Variants in BTNL9 observed in about 807,000 individuals in gnomAD.
BTNL9 encodes butyrophilin like 9.
Under a neutral mutation model 45.8 loss-of-function variants are expected in BTNL9, and 45 were observed. The observed-to-expected ratio is 0.98, with a 90% CI of 0.77 to 1.26. BTNL9 has a LOEUF of 1.26. Ranked by LOEUF, BTNL9 falls within the 50% of genes most tolerant of loss-of-function variation. The pLI is 0.00. For missense variants in BTNL9, 784 were observed against 729.7 expected, an observed-to-expected ratio of 1.07 and a Z score of -0.86; for synonymous variants, 346 against 330.8, an observed-to-expected ratio of 1.05 and a Z score of -0.50.
chr5:181,048,207 A>G lies in BTNL9; in HGVS notation c.390A>G (p.Thr130=). ...LHSIIPSDKG[T]YGCRFHSDNF... ...GCATCATCCCCTCTGACAAGGGCACATATGGCTGCCGCTTCCACTCCGACA... is the reference window on the plus strand; with the variant it reads ...GCATCATCCCCTCTGACAAGGGCACGTATGGCTGCCGCTTCCACTCCGACA... Residue 130 remains threonine, a synonymous_variant, in exon 3 of 11, where the codon ACA becomes ACG. Transcript: ENST00000327705. 6.2e-7 allele frequency: 1 copy of G among 1,613,096 alleles called. No individual in the cohort carries two copies. The highest frequency in any genetic ancestry group is 1.3e-5 in the African/African-American group (1 of 75,060).
chr5:181,044,692 C>T (rs1216745787), intron 1 of BTNL9, among the ~76,000 whole-genome samples: 2 of 152,262 alleles, frequency 1.3e-5, no homozygotes, highest in South Asian at 2.1e-4. Flanking sequence ...ACTCTCTGGC[C>T]GTGAGTCATT....
intron 2 of BTNL9, among the ~76,000 whole-genome samples, chr5:181,046,839 C>T (rs769197878): frequency 2.0e-5 from 3 of 152,092 alleles, no homozygotes; most frequent in South Asian, 2.1e-4. Context: ...ACAGGATGCA[C>T]GTTCCCCAGG....
At position 181,055,889 on chromosome 5, in the gene BTNL9, G is replaced by A. The variant is rs760724721; in HGVS notation, c.929-100G>A. The A allele has an allele frequency of 2.1e-6, 3 of 1,398,672 alleles. No homozygotes were observed. Among genetic ancestry groups the A allele is most frequent in the Admixed American group, 3.3e-5 (2 of 59,714 alleles). 86.6% of individuals were successfully genotyped at this position (1,398,672 alleles called of 1,614,324 possible). ...AGGACCCCTGCTGGCTATGTGGGTG[G>A]TGGGGGGTGCGGGACAGGGTGGGTG... On this transcript the variant is annotated intron_variant, in intron 8 of 10. Coordinates refer to ENST00000327705, the MANE Select transcript of BTNL9 (RefSeq NM_152547.5). The surrounding 1 kb of genome is among the most constrained non-coding windows in gnomAD (Gnocchi z 4.4).
At chr5:181,047,583 T>C in intron 2 of BTNL9, 1 of 860,572 alleles carries the variant, frequency 1.2e-6, no homozygotes, top group Non-Finnish European at 1.4e-6. Context: ...TACAGATTAT[T>C]TTGACACTTG....
Position 181,050,161 on chromosome 5 carries a change from T to C in BTNL9, c.528T>C (p.Ser176=), listed in dbSNP as rs1761455665. The change falls in exon 4 of 11, where the codon AGT becomes AGC. Residue 176 remains serine (S), a synonymous_variant. Transcript: ENST00000327705. This position sits in a 1 kb window ranked among gnomAD's most constrained non-coding sequence, Gnocchi z 4.9. ...GCATTCAGCTGAGGCTCAGATCCAG[T>C]GGCTGGTACCCCAAGCCTAAGGTTC... ...EGGIQLRLRS[S]GWYPKPKVQW... The C allele has an allele frequency of 1.2e-6, 2 of 1,614,074 alleles. No homozygotes were observed. The highest frequency in any genetic ancestry group is 1.7e-6 in the Non-Finnish European group (2 of 1,180,018).
chr5:181,059,351 G>A lies in BTNL9; in HGVS notation c.1097G>A (p.Arg366Gln). 5.8e-6 allele frequency: 9 copies of A among 1,542,804 alleles called. No individual in the cohort carries two copies. Among genetic ancestry groups the A allele is most frequent in the Non-Finnish European group, 7.8e-6 (9 of 1,146,776 alleles). The change falls in exon 11 of 11, where the codon CGG becomes CAG. Residue 366 changes from arginine to glutamine, a missense_variant. Arg to Gln is a conservative substitution (Grantham distance 43). Transcript: ENST00000327705. ...PPGPAPGHPQRFSEQTCALSL... is the reference protein window; with the variant it reads ...PPGPAPGHPQQFSEQTCALSL... The stretch of plus-strand genomic sequence containing the variant: ...GGCCCGGCGCCTGGCCACCCGCAGC[G>A]GTTCTCGGAGCAGACGTGCGCGCTG...
chr5:181,048,766 T>G (rs866885809), intron 3 of BTNL9, among the ~76,000 whole-genome samples: 23 of 40,830 alleles, frequency 5.6e-4, no homozygotes, highest in East Asian at 1.0e-3. Context: ...TATAGATATA[T>G]ATAGTATGCT....
rs1302653269 is a variant in BTNL9, at chr5:181,061,359, A to G, written c.*1497A>G. On this transcript the variant is annotated 3_prime_UTR_variant, in exon 11 of 11. Coordinates refer to ENST00000327705, the MANE Select transcript of BTNL9 (RefSeq NM_152547.5). The stretch of plus-strand genomic sequence containing the variant: ...TGGGTTTGAAATTTTGCAAACTAAG[A>G]GTTGGGTGGCGGGGAGAAGGATACA... 6.6e-6 allele frequency: 1 copy of G among 152,188 alleles called. No homozygotes were observed. Among genetic ancestry groups the G allele is most frequent in the Admixed American group, 6.5e-5 (1 of 15,272 alleles). The allele number at this position is 152,188 out of a possible 1,614,324, so 9.4% of individuals were successfully genotyped here. A position where few individuals can be genotyped will look rare whatever the true frequency, so the allele number is the denominator to read the frequency against.
intron 10 of BTNL9, 75 bp from the exon 11 acceptor site, chr5:181,059,162 T>G (rs1762028279): frequency 7.2e-7 from 1 of 1,398,532 alleles, no homozygotes; most frequent in East Asian, 2.9e-5. Context: ...AAACGAGAGG[T>G]TTGTCCGCCT....
rs1021900260 is a variant in BTNL9 at position 181,060,110 on chromosome 5, G to T, written c.*248G>T. 14 of 497,266 alleles carry T rather than the reference G, an allele frequency of 2.8e-5. No homozygotes were observed. The highest frequency in any genetic ancestry group is 4.2e-5 in the Non-Finnish European group (12 of 283,920). 30.8% of individuals were successfully genotyped at this position (497,266 alleles called of 1,614,324 possible). On this transcript the variant is annotated 3_prime_UTR_variant, in exon 11 of 11. Transcript: ENST00000327705. ...GAAGGAGTACAAATATATCCACGTC[G>T]CTCAGAGCTGGGGTGCTCACGGTGG...
chr5:181,045,589 C>T lies in BTNL9; in HGVS notation c.100C>T (p.Pro34Ser). The part of the protein sequence containing the change: ...MHLLLLQPGE[P>S]SSEVKVLGPE... ...CCTCCTCCTCCTTCAGCCTGGGGAG[C>T]CGAGCTCAGGTATTGTGTCTGCAGC... The change falls in exon 2 of 11, where the codon CCG (proline) becomes TCG (serine). Residue 34 changes from proline (P) to serine (S), a missense_variant. By Grantham distance (74) the Pro-to-Ser change is moderately conservative. Transcript: ENST00000327705. 2 of 1,611,080 alleles carry T rather than the reference C, an allele frequency of 1.2e-6. No homozygotes were observed. The highest frequency in any genetic ancestry group is 2.2e-5 in the East Asian group (1 of 44,864).
Position 181,043,135 on chromosome 5 carries a change from TGATA to T in BTNL9, c.-23-2326_-23-2323del, listed in dbSNP as rs560173271. Among the ~76,000 whole-genome samples the T allele has an allele frequency of 2.8e-3, 433 of 152,204 alleles. 1 individual carries two copies. The highest frequency in any genetic ancestry group is 9.2e-3 in the African/African-American group (381 of 41,514). ...TAATACTGAGGTATAGATAAGTGTT[TGATA>T]GATAGGAAGTACCCAATGCATGTTA... On this transcript the variant is annotated intron_variant, in intron 1 of 10. Coordinates refer to ENST00000327705, the MANE Select transcript of BTNL9 (RefSeq NM_152547.5).
At position 181,040,804 on chromosome 5, in the gene BTNL9, G is replaced by A. The variant is rs75102128; in HGVS notation, c.-24+372G>A. On this transcript the variant is annotated intron_variant, in intron 1 of 10. Coordinates refer to ENST00000327705, the MANE Select transcript of BTNL9 (RefSeq NM_152547.5). The stretch of plus-strand genomic sequence containing the variant: ...CAGTGAGCACTAGCTGGGGTCTGCC[G>A]GGGGGAAGGGCATTGCAGGGGGTGT... Among the ~76,000 whole-genome samples, 165 of 152,340 alleles carry A rather than the reference G, an allele frequency of 1.1e-3. 3 individuals are homozygous for A. The East Asian group carries it at 0.027, about 25-fold the overall frequency.
chr5:181,047,974 G>A lies in BTNL9; in HGVS notation c.157G>A (p.Glu53Lys), dbSNP rs756559111. The A allele has an allele frequency of 6.2e-7, 1 of 1,613,876 alleles. No homozygotes were observed. Among genetic ancestry groups the A allele is most frequent in the Admixed American group, 1.7e-5 (1 of 60,012 alleles). ...GTATCCCATCCTGGCCCTCGTCGGG[G>A]AGGAGGTGGAGTTCCCGTGCCACCT... Reference protein sequence around the residue: ...PEYPILALVGEEVEFPCHLWP... With the variant: ...PEYPILALVGKEVEFPCHLWP... The change falls in exon 3 of 11, where the codon GAG (glutamate) becomes AAG (lysine). Residue 53 changes from glutamate to lysine, a missense_variant. By Grantham distance (56) the Glu-to-Lys change is moderately conservative. Transcript: ENST00000327705.
At position 181,050,189 on chromosome 5, in the gene BTNL9, T is replaced by G; in HGVS notation, c.556T>G (p.Trp186Gly). ...SGWYPKPKVQ[W>G]RDHQGQCLPP... ...CTGGTACCCCAAGCCTAAGGTTCAG[T>G]GGAGAGACCACCAGGGACAGTGCCT... is the stretch of plus-strand genomic sequence containing the variant. The change falls in exon 4 of 11, where the codon TGG (tryptophan) becomes GGG (glycine). Residue 186 changes from tryptophan to glycine, a missense_variant. Transcript: ENST00000327705. The surrounding 1 kb of genome is among the most constrained non-coding windows in gnomAD (Gnocchi z 4.9). 2 of 1,613,968 alleles carry G rather than the reference T, an allele frequency of 1.2e-6. No homozygotes were observed. Among genetic ancestry groups the G allele is most frequent in the Non-Finnish European group, 1.7e-6 (2 of 1,180,016 alleles).
In BTNL9 at chr5:181,050,285, C is replaced by G; in HGVS notation, c.652C>G (p.Arg218Gly). Residue 218 changes from arginine (R) to glycine (G), a missense_variant, in exon 4 of 11, where the codon CGA (arginine) becomes GGA (glycine). Physicochemically the swap from Arg to Gly is moderately radical, Grantham distance 125. Coordinates refer to ENST00000327705, the MANE Select transcript of BTNL9 (RefSeq NM_152547.5). This position sits in a 1 kb window ranked among gnomAD's most constrained non-coding sequence, Gnocchi z 4.9. The part of the protein sequence containing the change: ...LFSLETSVVV[R>G]AGALSNVSVS... ...CAGTCTGGAAACATCTGTGGTTGTCCGAGCGGGAGCCCTCAGCAATGTGTC... is the reference window on the plus strand; with the variant it reads ...CAGTCTGGAAACATCTGTGGTTGTCGGAGCGGGAGCCCTCAGCAATGTGTC... 1 of 1,614,084 alleles carries G rather than the reference C, an allele frequency of 6.2e-7. No homozygotes were observed. The highest frequency in any genetic ancestry group is 8.5e-7 in the Non-Finnish European group (1 of 1,180,024).
rs1257891784 is a variant in BTNL9, at chr5:181,053,453, T to A, written c.854-16T>A. 6 of 1,564,572 alleles carry A rather than the reference T, an allele frequency of 3.8e-6. No individual in the cohort carries two copies. Among genetic ancestry groups the A allele is most frequent in the Middle Eastern group, 1.8e-4 (1 of 5,498 alleles). On this transcript the variant is annotated splice_polypyrimidine_tract_variant and intron_variant, in intron 5 of 10. Coordinates refer to ENST00000327705, the MANE Select transcript of BTNL9 (RefSeq NM_152547.5). This position sits in a 1 kb window ranked among gnomAD's most constrained non-coding sequence, Gnocchi z 6.5. ...GGGGCGCGCACTCAGCCCTCTCCGC[T>A]CCCGTTTCCCTTCAGAAAAGCTGAG...
chr5:181,059,722 G>C lies in BTNL9; in HGVS notation c.1468G>C (p.Ala490Pro). Reference protein sequence around the residue: ...GALCAYFRPRAHDGGEHPDPL... With the variant: ...GALCAYFRPRPHDGGEHPDPL... The stretch of plus-strand genomic sequence containing the variant: ...GCTCTGTGCGTACTTCAGGCCCAGG[G>C]CCCACGACGGCGGCGAACATCCGGA... Residue 490 changes from alanine to proline, a missense_variant, in exon 11 of 11, where the codon GCC becomes CCC. Ala to Pro is a conservative substitution (Grantham distance 27). Transcript: ENST00000327705. 1 of 1,613,356 alleles carries C rather than the reference G, an allele frequency of 6.2e-7. No individual in the cohort carries two copies. The highest frequency in any genetic ancestry group is 1.1e-5 in the South Asian group (1 of 91,074).
rs201409952 is a variant in BTNL9 at position 181,053,189 on chromosome 5, G to A, written c.737-11G>A. 3 of 1,572,422 alleles carry A rather than the reference G, an allele frequency of 1.9e-6. No individual in the cohort carries two copies. Among genetic ancestry groups the A allele is most frequent in the African/African-American group, 2.8e-5 (2 of 70,650 alleles). On this transcript the variant is annotated splice_polypyrimidine_tract_variant and intron_variant, in intron 4 of 10. Coordinates refer to ENST00000327705, the MANE Select transcript of BTNL9 (RefSeq NM_152547.5). The surrounding 1 kb of genome is among the most constrained non-coding windows in gnomAD (Gnocchi z 6.5). ...GCCTGGACCGACACGGCCCCCGCGGGTGTTTTCCAGACGTGTTCGTACCCG... is the reference window on the plus strand; with the variant it reads ...GCCTGGACCGACACGGCCCCCGCGGATGTTTTCCAGACGTGTTCGTACCCG...
Sources: allele counts gnomAD v4.1 joint callset (sites outside exome capture counted in the v4.1 genomes callset), GRCh38; gene constraint gnomAD v4.1.1; non-coding constraint Gnocchi (gnomAD v3.1); transcripts MANE v1.5; gene names NCBI Gene and HGNC (gene_info 2026-07-23, HGNC 2026-07-21).